SDC2: variants seen among roughly 807,000 people sequenced by gnomAD.
SDC2 encodes syndecan-2.
Under a neutral mutation model 22.2 loss-of-function variants are expected in SDC2, and 13 were observed. The observed-to-expected ratio is 0.59, with a 90% CI of 0.38 to 0.93. The LOEUF is 0.93. Among genes scored for constraint, SDC2 ranks in the 40% least tolerant of loss-of-function variants. SDC2 has a pLI of 0.00. For missense variants in SDC2, 235 were observed against 246.8 expected, an observed-to-expected ratio of 0.95 and a Z score of 0.32; for synonymous variants, 94 against 92.8, an observed-to-expected ratio of 1.01 and a Z score of -0.07.
chr8:96,549,527 A>C (rs893927090), intron 1 of SDC2, among the ~76,000 whole-genome samples: 5 of 152,192 alleles, frequency 3.3e-5, no homozygotes, highest in African/African-American at 7.2e-5. Context: ...GGTAGGTAGA[A>C]CCAATTTGGC....
chr8:96,494,620 T>C (rs990238828), intron 1 of SDC2, among the ~76,000 whole-genome samples: 5 of 152,062 alleles, frequency 3.3e-5, no homozygotes, highest in African/African-American at 1.2e-4. Flanking sequence ...TTCTTCGCCC[T>C]CGGCGGGTCT....
Position 96,588,549 on chromosome 8 carries a change from T to C in SDC2, c.61-4931T>C, listed in dbSNP as rs558545138. On this transcript the variant is annotated intron_variant, in intron 1 of 4. Coordinates refer to ENST00000302190, the MANE Select transcript of SDC2 (RefSeq NM_002998.4). ...GTCATAATTGGAGTTGGACTGCCTT[T>C]ACCGTAAAACAGGAGGCATCATCTA... is the stretch of plus-strand genomic sequence containing the variant. 1.6e-3 allele frequency among the ~76,000 whole-genome samples: 251 copies of C among 152,344 alleles called. 1 individual carries two copies. Among genetic ancestry groups the C allele is most frequent in the Non-Finnish European group, 3.1e-3 (208 of 68,028 alleles).
At chr8:96,541,691 G>A (rs1360704840) in intron 1 of SDC2, among the ~76,000 whole-genome samples, 2 of 90,378 alleles carry the variant, frequency 2.2e-5, no homozygotes, top group African/African-American at 5.5e-5. Flanking sequence ...CAGGGGCTGA[G>A]GGAGGGGGCA....
chr8:96,564,979 A>G (rs12156240), intron 1 of SDC2, among the ~76,000 whole-genome samples: 51,479 of 151,446 alleles, frequency 0.34, 11,165 homozygotes, highest in Non-Finnish European at 0.49. Context: ...CTTTCTGCCT[A>G]GGTATATTTA....
At chr8:96,583,054 G>T (rs1430558954) in intron 1 of SDC2, among the ~76,000 whole-genome samples, 2 of 108,710 alleles carry the variant, frequency 1.8e-5, no homozygotes, top group African/African-American at 3.4e-5. Flanking sequence ...TTTTTCTGAA[G>T]TGTGATTTTT....
Position 96,498,937 on chromosome 8 carries a change from A to T in SDC2, c.60+4606A>T, listed in dbSNP as rs1261145555. Among the ~76,000 whole-genome samples, 4 of 152,138 alleles carry T rather than the reference A, an allele frequency of 2.6e-5. No homozygotes were observed. In the East Asian group the frequency reaches 5.8e-4, roughly 22 times the overall value. On this transcript the variant is annotated intron_variant, in intron 1 of 4. Coordinates refer to ENST00000302190, the MANE Select transcript of SDC2 (RefSeq NM_002998.4). ...TGCCATTCCTGGCCCAGACACTTGC[A>T]TGCAGTTTGGTTTGTCCTCCACCAC...
chr8:96,591,967 A>G (rs1814788609), intron 1 of SDC2, among the ~76,000 whole-genome samples: 2 of 152,202 alleles, frequency 1.3e-5, no homozygotes, highest in East Asian at 3.9e-4. Context: ...AGCTTTGGGA[A>G]TTACAATCTG....
chr8:96,571,097 AAT>A (rs1377124355), intron 1 of SDC2, among the ~76,000 whole-genome samples: 4 of 152,212 alleles, frequency 2.6e-5, no homozygotes, highest in African/African-American at 9.6e-5. Context: ...AAAGCCAAAA[AAT>A]ATGTGTCACA....
At chr8:96,593,643 C>A in intron 2 of SDC2, 52 bp downstream of exon 2, 2 of 1,159,130 alleles carry the variant, frequency 1.7e-6, no homozygotes, top group Admixed American at 1.7e-5. Flanking sequence ...CATGCACGCA[C>A]ACACATTTTA....
intron 1 of SDC2, among the ~76,000 whole-genome samples, chr8:96,519,001 AAC>A (rs1006605022): frequency 1.8e-4 from 28 of 152,214 alleles, no homozygotes; most frequent in African/African-American, 6.3e-4. Flanking sequence ...TTCATCTAAA[AAC>A]ACACATGCAA....
chr8:96,610,654 A>C lies in SDC2; in HGVS notation c.*1106A>C, dbSNP rs1290012105. 6.6e-6 allele frequency: 1 copy of C among 152,628 alleles called. No homozygotes were observed. The highest frequency in any genetic ancestry group is 1.9e-4 in the East Asian group (1 of 5,196). 9.5% of individuals were successfully genotyped at this position (152,628 alleles called of 1,614,324 possible). On this transcript the variant is annotated 3_prime_UTR_variant, in exon 5 of 5. Transcript: ENST00000302190. Reference sequence around the variant, plus strand: ...GCCTAATATTGAAAATGTCACTGTTATAAATTTTGTACATTTTTGATCAAA... The same window carrying C: ...GCCTAATATTGAAAATGTCACTGTTCTAAATTTTGTACATTTTTGATCAAA...
Position 96,494,340 on chromosome 8 carries a change from G to C in SDC2, c.60+9G>C, listed in dbSNP as rs1226394917. ...GCGTGTCGGCGGAGTCGGTGAGTGG[G>C]CCAGGCGGAGGATGCGCGCGCCGTT... On this transcript the variant is annotated intron_variant, in intron 1 of 4. Transcript: ENST00000302190. 1 of 1,540,254 alleles carries C rather than the reference G, an allele frequency of 6.5e-7. No homozygotes were observed. The highest frequency in any genetic ancestry group is 1.2e-5 in the South Asian group (1 of 83,884).
chr8:96,564,162 T>C (rs1234815564), intron 1 of SDC2, among the ~76,000 whole-genome samples: 1 of 152,222 alleles, frequency 6.6e-6, no homozygotes, highest in African/African-American at 2.4e-5. Context: ...TTTAGTGTTA[T>C]GGTTAAATTT....
intron 1 of SDC2, among the ~76,000 whole-genome samples, chr8:96,533,809 A>C (rs1014593503): frequency 1.3e-5 from 2 of 152,246 alleles, no homozygotes; most frequent in African/African-American, 4.8e-5. Context: ...CTGGGGCCAC[A>C]GGTGGAGCTG....
chr8:96,563,770 C>CA (rs1187852887), intron 1 of SDC2, among the ~76,000 whole-genome samples: 1 of 152,248 alleles, frequency 6.6e-6, no homozygotes, highest in Non-Finnish European at 1.5e-5. Flanking sequence ...TTACATCCAA[C>CA]AGTGCTAAAA....
At chr8:96,560,576 TA>T (rs2130560104) in intron 1 of SDC2, among the ~76,000 whole-genome samples, 1 of 152,338 alleles carries the variant, frequency 6.6e-6, no homozygotes, top group East Asian at 1.9e-4. Context: ...GCGATGGTTT[TA>T]TTATGTATGT....
intron 1 of SDC2, among the ~76,000 whole-genome samples, chr8:96,522,032 G>A (rs900174286): frequency 6.6e-6 from 1 of 152,176 alleles, no homozygotes; most frequent in African/African-American, 2.4e-5. Flanking sequence ...CTGAGTGTGT[G>A]TCTTTTTCTG....
chr8:96,494,755 G>A (rs941879908), intron 1 of SDC2, among the ~76,000 whole-genome samples: 1 of 152,142 alleles, frequency 6.6e-6, no homozygotes, highest in African/African-American at 2.4e-5. Context: ...GGAAACTTCG[G>A]GGTCCCTTCC....
At chr8:96,518,640 A>T (rs181235866) in intron 1 of SDC2, among the ~76,000 whole-genome samples, 26 of 152,286 alleles carry the variant, frequency 1.7e-4, no homozygotes, top group African/African-American at 6.0e-4. Flanking sequence ...TACAGGCGTG[A>T]GCCACCGTGC....
Sources: gnomAD v4.1 joint callset for allele counts (sites outside exome capture counted in the v4.1 genomes callset) on GRCh38, gnomAD v4.1.1 for gene constraint, MANE v1.5 for transcripts, NCBI Gene and HGNC (gene_info 2026-07-23, HGNC 2026-07-21) for gene names.